UBE3C: variants seen among roughly 807,000 people sequenced by gnomAD.
The protein encoded by UBE3C is ubiquitin-protein ligase E3C.
UBE3C carries 42 observed loss-of-function variants against 129.4 expected under a neutral mutation model. The observed-to-expected ratio is 0.32, with a 90% confidence interval of 0.25 to 0.42. The LOEUF (loss-of-function observed/expected upper bound fraction) is 0.42, where lower values mean the gene tolerates loss of function less well. UBE3C is among the 10% of genes least tolerant of loss of function. The pLI, the probability that UBE3C is intolerant of heterozygous loss-of-function variation, is 1.00. For missense variants in UBE3C, 1,049 were observed against 1,319.1 expected, an observed-to-expected ratio of 0.80 and a Z score of 3.17; for synonymous variants, 510 against 492.4, an observed-to-expected ratio of 1.04 and a Z score of -0.47.
At position 157,139,412 on chromosome 7, in the gene UBE3C, T is replaced by TCGGGGCTGGACTCGGGGCC. The variant is rs1807362119; in HGVS notation, c.66+74_66+75insCGGGGCTGGACTCGGGGCC. 8 of 1,376,170 alleles carry TCGGGGCTGGACTCGGGGCC rather than the reference T, an allele frequency of 5.8e-6. No individual in the cohort carries two copies. In the East Asian group the frequency reaches 2.1e-4, roughly 36 times the overall value. The allele number at this position is 1,376,170 out of a possible 1,614,324, so 85.2% of individuals were successfully genotyped here. A position where few individuals can be genotyped will look rare whatever the true frequency, so the allele number is the denominator to read the frequency against. On this transcript the variant is annotated intron_variant, in intron 1 of 22. Transcript: ENST00000348165. Reference sequence around the variant, plus strand: ...GGGGCTCGGGGCTGGGACTCGGGGCTGGACTCGGGGCTGGACTCGGGGCCG... The same window carrying TCGGGGCTGGACTCGGGGCC: ...GGGGCTCGGGGCTGGGACTCGGGGCTCGGGGCTGGACTCGGGGCCGGACTCGGGGCTGGACTCGGGGCCG...
intron 4 of UBE3C, among the ~76,000 whole-genome samples, chr7:157,173,212 C>A (rs1808427135): frequency 6.6e-6 from 1 of 152,000 alleles, no homozygotes; most frequent in Non-Finnish European, 1.5e-5. Context: ...ACCTGTAAAA[C>A]AAAGCAAAAA....
chr7:157,202,374 C>T (rs905426707), intron 11 of UBE3C, among the ~76,000 whole-genome samples: 10 of 151,974 alleles, frequency 6.6e-5, no homozygotes, highest in East Asian at 3.9e-4. Context: ...AAGTCTAAGC[C>T]GGCCGGGCGC....
intron 9 of UBE3C, among the ~76,000 whole-genome samples, chr7:157,186,020 C>T (rs1437549317): frequency 6.6e-6 from 1 of 152,042 alleles, no homozygotes; most frequent in Non-Finnish European, 1.5e-5. Context: ...TCTTTGGTTA[C>T]TGCCCCAAAT....
Position 157,207,739 on chromosome 7 carries a change from C to G in UBE3C, c.1613C>G (p.Thr538Ser), listed in dbSNP as rs773175958. Residue 538 changes from threonine (T) to serine (S), a missense_variant, in exon 13 of 23, where the codon ACT becomes AGT. This residue lies in a region of UBE3C where 314 missense variants were observed against 416.9 expected (regional missense o/e 0.75). Transcript: ENST00000348165. ...GQRQSSMMPF[T>S]LEELIMLSRC... Reference sequence around the variant, plus strand: ...AGACAATCATCAATGATGCCTTTTACTTTAGAAGAGCTGATAATGTTGTCT... The same window carrying G: ...AGACAATCATCAATGATGCCTTTTAGTTTAGAAGAGCTGATAATGTTGTCT... 2.5e-6 allele frequency: 4 copies of G among 1,613,952 alleles called. No homozygotes were observed. The East Asian group carries it at 8.9e-5, about 36-fold the overall frequency.
chr7:157,168,912 G>C (rs1028778354), intron 2 of UBE3C, 136 bp from the exon 3 acceptor site: 8 of 637,494 alleles, frequency 1.3e-5, no homozygotes, highest in Admixed American at 5.2e-5. Context: ...TATTTAGTGG[G>C]TGTTACCTTT....
chr7:157,238,377 G>A (rs1464406775), intron 18 of UBE3C, among the ~76,000 whole-genome samples: 1 of 152,006 alleles, frequency 6.6e-6, no homozygotes, highest in Non-Finnish European at 1.5e-5. Context: ...TGGGAGACCG[G>A]ATGGAGTGTC....
At position 157,248,562 on chromosome 7, in the gene UBE3C, T is replaced by C. The variant is rs912885654; in HGVS notation, c.2676T>C (p.Asn892=). Residue 892 remains asparagine (N), a synonymous_variant, in exon 19 of 23, where the codon AAT becomes AAC. Coordinates refer to ENST00000348165, the MANE Select transcript of UBE3C (RefSeq NM_014671.3). ...GGCTGAACTTCACTGTGGTGAACAA[T>C]GACCTGGGAGAGGCGCAGGTGAGGG... ...ELGLNFTVVN[N]DLGEAQVVEL... is the part of the protein sequence containing the mutation. 2 of 1,612,320 alleles carry C rather than the reference T, an allele frequency of 1.2e-6. No individual in the cohort carries two copies. Among genetic ancestry groups the C allele is most frequent in the Non-Finnish European group, 1.7e-6 (2 of 1,180,010 alleles).
chr7:157,196,971 A>G (rs1809138256), intron 10 of UBE3C, among the ~76,000 whole-genome samples: 1 of 152,204 alleles, frequency 6.6e-6, no homozygotes, highest in African/African-American at 2.4e-5. Flanking sequence ...CTCCATCTCA[A>G]AAAAAAGAAT....
intron 19 of UBE3C, among the ~76,000 whole-genome samples, chr7:157,250,270 G>A (rs1796590278): frequency 6.6e-6 from 1 of 152,108 alleles, no homozygotes; most frequent in African/African-American, 2.4e-5. Flanking sequence ...GGCTGGAGGA[G>A]TCTAGTGATG....
intron 13 of UBE3C, among the ~76,000 whole-genome samples, chr7:157,216,440 T>C (rs867957788): frequency 3.9e-5 from 6 of 152,002 alleles, no homozygotes; most frequent in Admixed American, 6.6e-5. Context: ...GTTGTACGCA[T>C]CCTTAGATCA....
intron 10 of UBE3C, among the ~76,000 whole-genome samples, chr7:157,191,286 T>C (rs745655581): frequency 6.6e-6 from 1 of 152,126 alleles, no homozygotes; most frequent in African/African-American, 2.4e-5. Flanking sequence ...GTTGGTTTTG[T>C]CTTTATTTTT....
chr7:157,192,601 AAAGG>A, intron 10 of UBE3C: 2 of 765,602 alleles, frequency 2.6e-6, no homozygotes, highest in Non-Finnish European at 4.8e-6. Flanking sequence ...GGTGCTAAGA[AAAGG>A]AAGGAGTCTT....
At chr7:157,227,711 G>A (rs372044414) in intron 17 of UBE3C, among the ~76,000 whole-genome samples, 10 of 151,046 alleles carry the variant, frequency 6.6e-5, no homozygotes, top group African/African-American at 2.4e-4. Flanking sequence ...AAAAAAAAAA[G>A]AAAAAACTAC....
intron 4 of UBE3C, among the ~76,000 whole-genome samples, chr7:157,174,223 G>A (rs921364286): frequency 4.6e-5 from 7 of 152,104 alleles, no homozygotes; most frequent in Non-Finnish European, 7.4e-5. Flanking sequence ...TTAGCTGGGC[G>A]TGGTGGCGGG....
intron 3 of UBE3C, 32 bp downstream of exon 3, chr7:157,169,154 G>C (rs1808297960): frequency 6.4e-7 from 1 of 1,555,146 alleles, no homozygotes; most frequent in Non-Finnish European, 8.9e-7. Flanking sequence ...GAGATTAGTA[G>C]GGCATGGGAG....
chr7:157,260,430 A>G (rs759196619), intron 22 of UBE3C, among the ~76,000 whole-genome samples: 2 of 152,194 alleles, frequency 1.3e-5, no homozygotes, highest in Non-Finnish European at 2.9e-5. Flanking sequence ...AGCATGACCC[A>G]TGTGACCAGA....
chr7:157,167,880 A>G (rs1404934526), intron 2 of UBE3C, among the ~76,000 whole-genome samples: 1 of 152,182 alleles, frequency 6.6e-6, no homozygotes, highest in Non-Finnish European at 1.5e-5. Context: ...AGGCTGTCCA[A>G]CAGCAGTAGC....
chr7:157,169,265 G>T, intron 3 of UBE3C, 143 bp downstream of exon 3: 1 of 585,614 alleles, frequency 1.7e-6, no homozygotes. Flanking sequence ...TCTAATTATT[G>T]TGAAGATTTA....
chr7:157,180,189 T>C (rs1297843966), intron 6 of UBE3C, among the ~76,000 whole-genome samples: 1 of 152,234 alleles, frequency 6.6e-6, no homozygotes, highest in Admixed American at 6.5e-5. Context: ...GCCTTTTAAA[T>C]TATAGTATTA....
Sources: gnomAD v4.1 joint callset for allele counts (sites outside exome capture counted in the v4.1 genomes callset) on GRCh38, gnomAD v4.1.1 for gene constraint, gnomAD v4.1.1 regional missense constraint, MANE v1.5 for transcripts, NCBI Gene and HGNC (gene_info 2026-07-23, HGNC 2026-07-21) for gene names.